Variants in GRID2 observed in about 807,000 individuals in gnomAD.
GRID2 encodes the protein glutamate receptor ionotropic, delta-2.
Under a neutral mutation model 114.8 loss-of-function variants are expected in GRID2, and 33 were observed. The ratio of observed to expected loss-of-function variants is 0.29; its 90% CI spans 0.22 to 0.38. The LOEUF is 0.38. Ranked by LOEUF, GRID2 falls within the 10% of genes least tolerant of loss-of-function variation. The pLI is 1.00. For missense variants in GRID2, 1,184 were observed against 1,257.7 expected, an observed-to-expected ratio of 0.94 and a Z score of 0.89; for synonymous variants, 505 against 449.9, an observed-to-expected ratio of 1.12 and a Z score of -1.55.
intron 1 of GRID2, among the ~76,000 whole-genome samples, chr4:92,548,401 A>ATATTTTTTTTTTT (rs1726385371): frequency 1.6e-5 from 1 of 60,808 alleles, no homozygotes; most frequent in Non-Finnish European, 2.7e-5. Flanking sequence ...AGACTGTGTA[A>ATATTTTTTTTTTT]TTTTTTTTTT....
intron 14 of GRID2, among the ~76,000 whole-genome samples, chr4:93,763,528 A>G (rs112131008): frequency 2.1e-3 from 320 of 152,332 alleles, no homozygotes; most frequent in African/African-American, 6.6e-3. Context: ...GGTTTAAGAA[A>G]TCTCTGAAAC....
chr4:92,307,325 C>T lies in GRID2; in HGVS notation c.88+2581C>T, dbSNP rs532830867. Among the ~76,000 whole-genome samples, 5 of 152,010 alleles carry T rather than the reference C, an allele frequency of 3.3e-5. No individual in the cohort carries two copies. The South Asian group carries it at 8.3e-4, about 25-fold the overall frequency. ...ACTGGAGGGAAAGGGAATATTTCAC[C>T]TCTAGCGATGGAAGGAGATATGCAG... On this transcript the variant is annotated intron_variant, in intron 1 of 15. Transcript: ENST00000282020.
chr4:93,167,460 G>A (rs1738361185), intron 4 of GRID2, among the ~76,000 whole-genome samples: 1 of 152,134 alleles, frequency 6.6e-6, no homozygotes, highest in African/African-American at 2.4e-5. Context: ...GTTTTTAAAA[G>A]TCTATATTGC....
intron 2 of GRID2, among the ~76,000 whole-genome samples, chr4:93,008,284 T>G (rs995211170): frequency 6.6e-6 from 1 of 152,026 alleles, no homozygotes; most frequent in East Asian, 1.9e-4. Context: ...TACCATAAAT[T>G]TAGGAATCTG....
At chr4:92,922,693 A>G (rs893588387) in intron 2 of GRID2, among the ~76,000 whole-genome samples, 1 of 152,228 alleles carries the variant, frequency 6.6e-6, no homozygotes, top group African/African-American at 2.4e-5. Flanking sequence ...AAATTATATA[A>G]TAACCACTTA....
intron 2 of GRID2, among the ~76,000 whole-genome samples, chr4:92,666,029 C>T (rs116407771): frequency 0.011 from 1,606 of 151,478 alleles, 29 homozygotes; most frequent in African/African-American, 0.034. Context: ...TCTTCTCCTT[C>T]GGAGACTACT....
At chr4:92,868,691 A>G (rs1745072683) in intron 2 of GRID2, among the ~76,000 whole-genome samples, 1 of 151,470 alleles carries the variant, frequency 6.6e-6, no homozygotes, top group Non-Finnish European at 1.5e-5. Flanking sequence ...AGCAGAGGAA[A>G]ACTACATTTT....
chr4:92,746,041 T>C (rs1458119142), intron 2 of GRID2, among the ~76,000 whole-genome samples: 1 of 152,144 alleles, frequency 6.6e-6, no homozygotes, highest in African/African-American at 2.4e-5. Flanking sequence ...TAAAATGCAG[T>C]ACGTCTGCAT....
At chr4:92,564,003 A>G (rs1018498115) in intron 1 of GRID2, among the ~76,000 whole-genome samples, 1 of 152,032 alleles carries the variant, frequency 6.6e-6, no homozygotes, top group Non-Finnish European at 1.5e-5. Flanking sequence ...ATATTCTTCT[A>G]CATAACATTC....
At chr4:92,671,189 G>A (rs998923109) in intron 2 of GRID2, among the ~76,000 whole-genome samples, 3 of 151,952 alleles carry the variant, frequency 2.0e-5, no homozygotes, top group African/African-American at 7.3e-5. Flanking sequence ...TCTTACCATG[G>A]CAGACAGGAG....
chr4:92,665,545 G>A (rs1218718110), intron 2 of GRID2, among the ~76,000 whole-genome samples: 5 of 150,958 alleles, frequency 3.3e-5, no homozygotes, highest in Non-Finnish European at 5.9e-5. Flanking sequence ...ATACCTTTGA[G>A]CTACCATCTA....
At chr4:92,579,768 A>T (rs1216524181) in intron 1 of GRID2, among the ~76,000 whole-genome samples, 3 of 151,526 alleles carry the variant, frequency 2.0e-5, no homozygotes, top group Non-Finnish European at 4.4e-5. Flanking sequence ...AAGCATACAC[A>T]ACTTTGACCA....
chr4:92,348,642 T>C (rs760904111), intron 1 of GRID2, among the ~76,000 whole-genome samples: 17 of 152,188 alleles, frequency 1.1e-4, no homozygotes, highest in Non-Finnish European at 2.4e-4. Context: ...CAAGGTATGT[T>C]AATTACAGTT....
rs138615450 is a variant in GRID2, at chr4:93,614,794, G to A, written c.2194-11475G>A. 5.3e-5 allele frequency among the ~76,000 whole-genome samples: 8 copies of A among 152,236 alleles called. No homozygotes were observed. The East Asian group carries it at 1.5e-3, about 29-fold the overall frequency. On this transcript the variant is annotated intron_variant, in intron 13 of 15. Coordinates refer to ENST00000282020, the MANE Select transcript of GRID2 (RefSeq NM_001510.4). ...TAGTGTGTATTTAAGACATATAAGT[G>A]TGAAACTTTTTAAAAGGGGAACATA...
At chr4:93,766,221 T>C (rs1002800491) in intron 14 of GRID2, among the ~76,000 whole-genome samples, 1 of 152,206 alleles carries the variant, frequency 6.6e-6, no homozygotes, top group Non-Finnish European at 1.5e-5. Context: ...CTCTCACTGC[T>C]ATGAAGAAAT....
At chr4:92,954,154 G>T (rs1436644451) in intron 2 of GRID2, among the ~76,000 whole-genome samples, 1 of 151,850 alleles carries the variant, frequency 6.6e-6, no homozygotes, top group African/African-American at 2.4e-5. Context: ...CTCAAATATA[G>T]ATATATCAAT....
chr4:92,921,602 T>C (rs1194121777), intron 2 of GRID2, among the ~76,000 whole-genome samples: 1 of 152,202 alleles, frequency 6.6e-6, no homozygotes, highest in African/African-American at 2.4e-5. Flanking sequence ...TGGAGTTTGC[T>C]GGAGGTCCAC....
intron 2 of GRID2, among the ~76,000 whole-genome samples, chr4:92,837,200 G>C (rs1175806134): frequency 6.6e-6 from 1 of 152,054 alleles, no homozygotes. Flanking sequence ...TGATGAACGA[G>C]GGGCCTGGTG....
At chr4:92,985,088 C>A (rs1050770488) in intron 2 of GRID2, among the ~76,000 whole-genome samples, 2 of 152,062 alleles carry the variant, frequency 1.3e-5, no homozygotes, top group Non-Finnish European at 2.9e-5. Flanking sequence ...AGCCTGATAC[C>A]TTGTTTCTCC....
Sources: allele counts gnomAD v4.1 joint callset (sites outside exome capture counted in the v4.1 genomes callset), GRCh38; gene constraint gnomAD v4.1.1; transcripts MANE v1.5; gene names NCBI Gene and HGNC (gene_info 2026-07-23, HGNC 2026-07-21).